Variants in SBF2 observed in about 807,000 individuals in gnomAD.
The protein encoded by SBF2 is myotubularin-related protein 13.
A neutral mutation model predicts 225.2 loss-of-function variants in SBF2; 112 were observed. The ratio of observed to expected loss-of-function variants is 0.50; its 90% CI spans 0.43 to 0.58. SBF2 has a LOEUF of 0.58. Among genes scored for constraint, SBF2 ranks in the 20% least tolerant of loss-of-function variants. The pLI, the probability that SBF2 is intolerant of heterozygous loss-of-function variation, is 0.00. For synonymous variants in SBF2, 763 were observed against 773.3 expected (o/e 0.99, Z 0.22); for missense variants, 1,996 against 2,206.2 (o/e 0.90, Z 1.91).
chr11:9,883,649 A>C (rs1860012739), intron 17 of SBF2, among the ~76,000 whole-genome samples: 1 of 152,206 alleles, frequency 6.6e-6, no homozygotes, highest in Non-Finnish European at 1.5e-5. Flanking sequence ...AATGATAATA[A>C]ATCACAAGTT....
chr11:9,835,741 G>A (rs1855698515), intron 26 of SBF2, among the ~76,000 whole-genome samples: 1 of 150,152 alleles, frequency 6.7e-6, no homozygotes, highest in South Asian at 2.1e-4. Context: ...TTTCATGTTT[G>A]GCTTCTTTTG....
intron 1 of SBF2, among the ~76,000 whole-genome samples, chr11:10,280,544 T>A (rs1187909125): frequency 6.6e-6 from 1 of 152,158 alleles, no homozygotes; most frequent in Non-Finnish European, 1.5e-5. Flanking sequence ...ATACAAAAAA[T>A]AGTCTTTTTA....
intron 16 of SBF2, chr11:9,928,891 CTA>C (rs1333228434): frequency 1.4e-5 from 5 of 365,200 alleles, no homozygotes; most frequent in Non-Finnish European, 2.1e-5. Context: ...ATGTTTTAGA[CTA>C]TGAAAATGAT....
At chr11:10,290,399 G>T (rs763659645) in intron 1 of SBF2, among the ~76,000 whole-genome samples, 2 of 152,110 alleles carry the variant, frequency 1.3e-5, no homozygotes, top group Non-Finnish European at 2.9e-5. Flanking sequence ...AACTCACTGG[G>T]GTGTGTCAGA....
chr11:10,112,865 A>G (rs1369774897), intron 2 of SBF2, among the ~76,000 whole-genome samples: 2 of 152,212 alleles, frequency 1.3e-5, no homozygotes, highest in Non-Finnish European at 2.9e-5. Flanking sequence ...AAAGAAGTGC[A>G]TTACATATGT....
At chr11:10,283,412 A>G (rs1223703422) in intron 1 of SBF2, among the ~76,000 whole-genome samples, 1 of 152,220 alleles carries the variant, frequency 6.6e-6, no homozygotes, top group African/African-American at 2.4e-5. Context: ...GTGGTATTTC[A>G]GGTGTTATAC....
At chr11:9,872,837 T>TG (rs2134055103) in intron 17 of SBF2, among the ~76,000 whole-genome samples, 1 of 152,094 alleles carries the variant, frequency 6.6e-6, no homozygotes, top group East Asian at 1.9e-4. Context: ...TAATAAATGC[T>TG]AAGCCAAATA....
intron 35 of SBF2, among the ~76,000 whole-genome samples, chr11:9,788,294 G>C (rs1441950689): frequency 1.3e-5 from 2 of 152,236 alleles, no homozygotes; most frequent in African/African-American, 4.8e-5. Context: ...CAGGAAGCCA[G>C]ATGGGGAAGA....
chr11:10,051,675 A>G (rs1950069625), intron 2 of SBF2, among the ~76,000 whole-genome samples: 6 of 152,136 alleles, frequency 3.9e-5, no homozygotes, highest in Admixed American at 3.9e-4. Context: ...AGTTTATAGG[A>G]AATTTTGAAT....
At chr11:9,847,829 TC>T (rs1475818852) in intron 22 of SBF2, among the ~76,000 whole-genome samples, 1 of 151,688 alleles carries the variant, frequency 6.6e-6, no homozygotes, top group Non-Finnish European at 1.5e-5. Flanking sequence ...GGGAGGAGAG[TC>T]ACATGCAGAA....
chr11:10,044,147 A>C (rs1190614156), intron 2 of SBF2, among the ~76,000 whole-genome samples: 1 of 152,174 alleles, frequency 6.6e-6, no homozygotes, highest in African/African-American at 2.4e-5. Flanking sequence ...TTAGAATTGA[A>C]ATCAATGATA....
rs1409929377 is a variant in SBF2 at position 10,047,398 on chromosome 11, T to C, written c.142-4417A>G. Among the ~76,000 whole-genome samples the C allele has an allele frequency of 6.6e-5, 10 of 152,112 alleles. No homozygotes were observed. In the South Asian group the frequency reaches 1.9e-3, roughly 28 times the overall value. ...GGAAGCTATAGTAGACAAGACAGTG[T>C]GATACTGGCAAAAGAATAGGCAAAG... On this transcript the variant is annotated intron_variant, in intron 2 of 39. Transcript: ENST00000256190.
At chr11:10,109,083 T>C (rs1952714306) in intron 2 of SBF2, among the ~76,000 whole-genome samples, 1 of 152,112 alleles carries the variant, frequency 6.6e-6, no homozygotes, top group African/African-American at 2.4e-5. Flanking sequence ...TTGGAAAATA[T>C]GCTGAACATA....
At chr11:9,900,905 T>A (rs959026093) in intron 16 of SBF2, among the ~76,000 whole-genome samples, 3 of 152,050 alleles carry the variant, frequency 2.0e-5, no homozygotes, top group Non-Finnish European at 4.4e-5. Context: ...CCCAGCTAAT[T>A]TTTAATTTTT....
At chr11:9,910,006 C>CA (rs1862464589) in intron 16 of SBF2, among the ~76,000 whole-genome samples, 1 of 152,094 alleles carries the variant, frequency 6.6e-6, no homozygotes, top group Non-Finnish European at 1.5e-5. Flanking sequence ...AAACTACATG[C>CA]AAAATCAGTT....
chr11:10,034,223 T>A (rs1377633256), intron 3 of SBF2, among the ~76,000 whole-genome samples: 1 of 152,222 alleles, frequency 6.6e-6, no homozygotes, highest in Non-Finnish European at 1.5e-5. Context: ...TTTGTAGATA[T>A]CTTTGCCTAC....
intron 13 of SBF2, among the ~76,000 whole-genome samples, chr11:9,981,846 T>C (rs1254545138): frequency 6.6e-6 from 1 of 152,208 alleles, no homozygotes; most frequent in African/African-American, 2.4e-5. Context: ...TATTTTTTTG[T>C]TTACTAAAGT....
chr11:10,144,810 T>C (rs1954814300), intron 2 of SBF2, among the ~76,000 whole-genome samples: 1 of 152,228 alleles, frequency 6.6e-6, no homozygotes, highest in South Asian at 2.1e-4. Context: ...CCATAAACAA[T>C]TGGCCCCTAA....
chr11:10,002,717 A>T, intron 6 of SBF2, 28 bp from the exon 7 acceptor site: 1 of 1,607,254 alleles, frequency 6.2e-7, no homozygotes, highest in Non-Finnish European at 8.5e-7. Context: ...AGGACTTACA[A>T]ATGCATTTAA....
Sources: allele counts gnomAD v4.1 joint callset (sites outside exome capture counted in the v4.1 genomes callset), GRCh38; gene constraint gnomAD v4.1.1; transcripts MANE v1.5; gene names NCBI Gene and HGNC (gene_info 2026-07-23, HGNC 2026-07-21).